The following CCAR1 variants were observed in gnomAD, a reference collection of about 807,000 sequenced individuals.
CCAR1 encodes cell division cycle and apoptosis regulator 1.
A neutral mutation model predicts 163.8 loss-of-function variants in CCAR1; 78 were observed. That is an observed-to-expected ratio of 0.48 (90% CI 0.40 to 0.57). The LOEUF (loss-of-function observed/expected upper bound fraction) is 0.57, where lower values mean the gene tolerates loss of function less well. Ranked by LOEUF, CCAR1 falls within the 20% of genes least tolerant of loss-of-function variation. CCAR1 has a pLI of 0.00. For missense variants in CCAR1, 1,019 were observed against 1,365.2 expected (o/e 0.75, Z 4.00); for synonymous variants, 443 against 460.7 (o/e 0.96, Z 0.49).
intron 19 of CCAR1, among the ~76,000 whole-genome samples, chr10:68,779,560 A>G (rs905128002): frequency 2.0e-5 from 3 of 152,178 alleles, no homozygotes; most frequent in African/African-American, 7.2e-5. Flanking sequence ...CGTCCGGCCT[A>G]TCTTTTTCTT....
rs1274947516 is a variant in CCAR1 at position 68,761,105 on chromosome 10, GGAACAAAAAGAA to G, written c.2025_2036del (p.Glu678_Glu681del). The G allele has an allele frequency of 6.2e-7, 1 of 1,607,992 alleles. No homozygotes were observed. The highest frequency in any genetic ancestry group is 8.5e-7 in the Non-Finnish European group (1 of 1,177,040). On this transcript the variant is annotated inframe_deletion, in exon 16 of 25. Transcript: ENST00000265872. ...GATTGACAAAACAGCTTAAAGTAGA[GGAACAAAAAGAA>G]GAACAGAAGGAGTTAGAGAAATCTG...
At chr10:68,723,814 C>A (rs1381140568) in intron 2 of CCAR1, among the ~76,000 whole-genome samples, 1 of 145,264 alleles carries the variant, frequency 6.9e-6, no homozygotes. Context: ...CGCCACTGCA[C>A]TTCAGCCTGG....
chr10:68,751,680 T>C (rs2056332524), intron 10 of CCAR1, among the ~76,000 whole-genome samples: 1 of 151,504 alleles, frequency 6.6e-6, no homozygotes, highest in Non-Finnish European at 1.5e-5. Flanking sequence ...CTGGCCAACA[T>C]GGTGAAACTC....
At chr10:68,722,391 T>C in intron 1 of CCAR1, 64 bp from the exon 2 acceptor site, 1 of 833,930 alleles carries the variant, frequency 1.2e-6, no homozygotes, top group Non-Finnish European at 2.1e-6. Context: ...CTTTCTATTG[T>C]AATATCCTTT....
chr10:68,733,880 T>G (rs1049632106), intron 2 of CCAR1, among the ~76,000 whole-genome samples: 1 of 152,094 alleles, frequency 6.6e-6, no homozygotes, highest in Non-Finnish European at 1.5e-5. Flanking sequence ...GCCATGCTGG[T>G]CTCAAACTCC....
chr10:68,747,413 G>A lies in CCAR1; in HGVS notation c.673G>A (p.Ala225Thr). ...CCAGCCATTACTGAAGACTCCTCCT[G>A]CTGTACTTCAGCCAATTGCACCACA... ...QTQPLLKTPP[A>T]VLQPIAPQTT... Residue 225 changes from alanine (A) to threonine (T), a missense_variant, in exon 8 of 25, where the codon GCT becomes ACT. Around this residue, in one of 4 missense-constraint regions of CCAR1, gnomAD observed 644 missense variants for 904.4 expected, o/e 0.71. Coordinates refer to ENST00000265872, the MANE Select transcript of CCAR1 (RefSeq NM_018237.4). The A allele has an allele frequency of 6.2e-7, 1 of 1,613,976 alleles. No individual in the cohort carries two copies. The highest frequency in any genetic ancestry group is 8.5e-7 in the Non-Finnish European group (1 of 1,179,986).
rs1350360829 is a variant in CCAR1 at position 68,742,580 on chromosome 10, T to C, written c.518+11T>C. ...ATTCTTTCAGCTTAGGTAAACTTAA[T>C]GAGGTCTTGTCACATGGCTTCTTGC... On this transcript the variant is annotated intron_variant, in intron 6 of 24. Transcript: ENST00000265872. 6.3e-7 allele frequency: 1 copy of C among 1,599,148 alleles called. No individual in the cohort carries two copies. Among genetic ancestry groups the C allele is most frequent in the Non-Finnish European group, 8.6e-7 (1 of 1,167,202 alleles).
At chr10:68,746,321 G>T (rs1293420748) in intron 6 of CCAR1, among the ~76,000 whole-genome samples, 1 of 152,106 alleles carries the variant, frequency 6.6e-6, no homozygotes, top group Non-Finnish European at 1.5e-5. Flanking sequence ...CTATCGCCCA[G>T]GCTGGAGTGC....
intron 19 of CCAR1, among the ~76,000 whole-genome samples, chr10:68,777,683 C>CAA (rs34289016): frequency 1.9e-4 from 22 of 115,548 alleles, no homozygotes; most frequent in Admixed American, 8.7e-4. Flanking sequence ...GACTCCGTCT[C>CAA]AAAAAAAAAA....
intron 15 of CCAR1, among the ~76,000 whole-genome samples, chr10:68,758,921 C>T (rs557676953): frequency 1.3e-5 from 2 of 152,060 alleles, no homozygotes; most frequent in Non-Finnish European, 2.9e-5. Context: ...ATCCACCCAC[C>T]TCAGCCTCCC....
Position 68,784,023 on chromosome 10 carries a change from G to A in CCAR1, c.2651-2113G>A, listed in dbSNP as rs1193723956. On this transcript the variant is annotated intron_variant, in intron 19 of 24. Coordinates refer to ENST00000265872, the MANE Select transcript of CCAR1 (RefSeq NM_018237.4). ...TCCGCCCACCTCAGCCTCCCAAAGTGCTGGGATTACAGGCGTGAGCCACTG... is the reference window on the plus strand; with the variant it reads ...TCCGCCCACCTCAGCCTCCCAAAGTACTGGGATTACAGGCGTGAGCCACTG... Among the ~76,000 whole-genome samples, 11 of 152,202 alleles carry A rather than the reference G, an allele frequency of 7.2e-5. No individual in the cohort carries two copies. In the East Asian group the frequency reaches 1.6e-3, roughly 21 times the overall value.
intron 2 of CCAR1, among the ~76,000 whole-genome samples, chr10:68,723,642 A>T (rs1218837286): frequency 4.0e-5 from 6 of 149,638 alleles, no homozygotes; most frequent in South Asian, 2.1e-4. Context: ...AGGTCAGGAA[A>T]TCGAGACCAT....
chr10:68,751,608 A>G (rs889240468), intron 10 of CCAR1, among the ~76,000 whole-genome samples: 1 of 151,060 alleles, frequency 6.6e-6, no homozygotes, highest in African/African-American at 2.4e-5. Context: ...GACGCCTGTA[A>G]TCCCAGCACT....
rs2056579224 is a variant in CCAR1, at chr10:68,769,773, C to T, written c.2299-1433C>T. 2.0e-5 allele frequency among the ~76,000 whole-genome samples: 3 copies of T among 150,608 alleles called. No individual in the cohort carries two copies. The South Asian group carries it at 6.3e-4, about 32-fold the overall frequency. On this transcript the variant is annotated intron_variant, in intron 17 of 24. Transcript: ENST00000265872. ...TGGCTAACACGGTGAAACCTCGTCT[C>T]TACTAAAAATAAAAAAAATTAGCCA...
intron 1 of CCAR1, chr10:68,721,687 C>T (rs1017901893): frequency 2.1e-5 from 8 of 384,638 alleles, no homozygotes; most frequent in Non-Finnish European, 3.2e-5. Flanking sequence ...GAGCCCAGGG[C>T]TCTCGGGAGC....
intron 6 of CCAR1, 129 bp downstream of exon 6, chr10:68,742,698 C>T: frequency 1.4e-6 from 1 of 723,754 alleles, no homozygotes. Flanking sequence ...TCACTGCAGC[C>T]TCTGCCTCCT....
At chr10:68,762,951 C>T (rs2056491316) in intron 16 of CCAR1, among the ~76,000 whole-genome samples, 1 of 151,898 alleles carries the variant, frequency 6.6e-6, no homozygotes, top group South Asian at 2.1e-4. Context: ...AAATAAAAGT[C>T]ATAGAGAGTA....
At position 68,786,470 on chromosome 10, in the gene CCAR1, G is replaced by A. The variant is rs909379236; in HGVS notation, c.2734-76G>A. On this transcript the variant is annotated intron_variant, in intron 20 of 24. Transcript: ENST00000265872. ...TTAGATTATTGCTATCTTATGCACA[G>A]TCTCCGTTTCTCACTTTTTGGGGGT... The A allele has an allele frequency of 7.0e-6, 7 of 1,005,932 alleles. No homozygotes were observed. In the Admixed American group the frequency reaches 1.2e-4, roughly 17 times the overall value. The allele number at this position is 1,005,932 out of a possible 1,614,324, so 62.3% of individuals were successfully genotyped here.
intron 5 of CCAR1, among the ~76,000 whole-genome samples, chr10:68,740,893 T>G (rs1433391841): frequency 1.4e-5 from 2 of 142,510 alleles, no homozygotes; most frequent in South Asian, 2.1e-4. Flanking sequence ...TTTTATTTAT[T>G]TATTTATTTA....
Sources: gnomAD v4.1 joint callset for allele counts (sites outside exome capture counted in the v4.1 genomes callset) on GRCh38, gnomAD v4.1.1 for gene constraint, gnomAD v4.1.1 regional missense constraint, MANE v1.5 for transcripts, NCBI Gene and HGNC (gene_info 2026-07-23, HGNC 2026-07-21) for gene names.